PAQR8: variants seen among roughly 807,000 people sequenced by gnomAD.
PAQR8 encodes the protein progestin and adipoQ receptor family member 8.
PAQR8 carries 17 observed loss-of-function variants against 25.2 expected under a neutral mutation model. The observed-to-expected ratio is 0.67, with a 90% CI of 0.46 to 1.01. The LOEUF is 1.01. Among genes scored for constraint, PAQR8 ranks in the 50% least tolerant of loss-of-function variants. The pLI, the probability that PAQR8 is intolerant of heterozygous loss-of-function variation, is 0.00. For missense variants in PAQR8, 392 were observed against 448.4 expected (o/e 0.87, Z 1.14); for synonymous variants, 204 against 190.6 (o/e 1.07, Z -0.58).
At chr6:52,402,590 C>T (rs1358874708) in intron 1 of PAQR8, among the ~76,000 whole-genome samples, 19 of 143,284 alleles carry the variant, frequency 1.3e-4, no homozygotes, top group African/African-American at 5.2e-4. Context: ...GCATTCCAGC[C>T]TGGGCAACAA....
chr6:52,373,385 G>T (rs574171198), intron 1 of PAQR8, among the ~76,000 whole-genome samples: 5 of 152,202 alleles, frequency 3.3e-5, no homozygotes. Flanking sequence ...TAGCTGCCAA[G>T]GGAACTAAAA....
intron 1 of PAQR8, among the ~76,000 whole-genome samples, chr6:52,399,962 C>T (rs959081727): frequency 6.6e-6 from 1 of 152,190 alleles, no homozygotes; most frequent in Non-Finnish European, 1.5e-5. Flanking sequence ...CTCTAAGGCA[C>T]TCGGATCCCT....
intron 1 of PAQR8, among the ~76,000 whole-genome samples, chr6:52,402,541 C>A (rs1284003511): frequency 6.7e-6 from 1 of 148,956 alleles, no homozygotes. Context: ...TGCTTGAACC[C>A]GGGAGGCGGA....
intron 1 of PAQR8, among the ~76,000 whole-genome samples, chr6:52,379,779 AC>A: frequency 6.6e-6 from 1 of 151,936 alleles, no homozygotes; most frequent in East Asian, 1.9e-4. Context: ...GGCGCCTGCT[AC>A]CGCGCCCGGC....
In PAQR8 at chr6:52,407,678, C is replaced by CAAAAAAAAAAAA. The variant is rs5876275; in HGVS notation, c.*3421_*3432dup. ...TTGGTCTTGTGTTTTGCTTGCTTGG[C>CAAAAAAAAAAAA]AAAAAAAAAAAAAAAAAAAAAAAAA... On this transcript the variant is annotated 3_prime_UTR_variant, in exon 2 of 2. Transcript: ENST00000442253. 3 of 72,800 alleles carry CAAAAAAAAAAAA rather than the reference C, an allele frequency of 4.1e-5. No homozygotes were observed. The highest frequency in any genetic ancestry group is 5.0e-4 in the East Asian group (1 of 1,986). 4.5% of individuals were successfully genotyped at this position (72,800 alleles called of 1,614,324 possible). A position where few individuals can be genotyped will look rare whatever the true frequency, so the allele number is the denominator to read the frequency against.
rs1000346639 is a variant in PAQR8 at position 52,404,558 on chromosome 6, A to G, written c.*280A>G. The G allele has an allele frequency of 3.3e-6, 1 of 304,684 alleles. No individual in the cohort carries two copies. The highest frequency in any genetic ancestry group is 6.5e-6 in the Non-Finnish European group (1 of 154,944). The allele number at this position is 304,684 out of a possible 1,614,324, so 18.9% of individuals were successfully genotyped here. On this transcript the variant is annotated 3_prime_UTR_variant, in exon 2 of 2. Coordinates refer to ENST00000442253, the MANE Select transcript of PAQR8 (RefSeq NM_133367.5). ...CATTGAATTAAGGAGAATCATCTTC[A>G]TGCCTGAAAATTTAGCAAAATTCCG...
intron 1 of PAQR8, among the ~76,000 whole-genome samples, chr6:52,375,639 A>C (rs973028630): frequency 2.0e-5 from 3 of 152,082 alleles, no homozygotes; most frequent in Non-Finnish European, 4.4e-5. Flanking sequence ...CAGCCTCCCA[A>C]GTACTTGGGA....
chr6:52,392,343 CAAA>C, intron 1 of PAQR8, among the ~76,000 whole-genome samples: 1 of 109,316 alleles, frequency 9.1e-6, no homozygotes, highest in Non-Finnish European at 1.9e-5. Context: ...GACTCCATCT[CAAA>C]AAAAAAAAAA....
At chr6:52,377,236 A>G (rs1291785365) in intron 1 of PAQR8, among the ~76,000 whole-genome samples, 1 of 151,772 alleles carries the variant, frequency 6.6e-6, no homozygotes. Flanking sequence ...AATTGCATTC[A>G]TTTTTTTTCA....
At chr6:52,397,400 C>A (rs9370114) in intron 1 of PAQR8, among the ~76,000 whole-genome samples, 10,618 of 152,228 alleles carry the variant, frequency 0.07, 893 homozygotes, top group Admixed American at 0.24. Context: ...CACAAGCCCA[C>A]TTCCCCCCAA....
At chr6:52,397,615 C>A (rs1012297962) in intron 1 of PAQR8, among the ~76,000 whole-genome samples, 3 of 152,164 alleles carry the variant, frequency 2.0e-5, no homozygotes, top group Non-Finnish European at 4.4e-5. Flanking sequence ...AATAGATAAT[C>A]CTTGCTCTGA....
Position 52,406,670 on chromosome 6 carries a change from C to G in PAQR8, c.*2392C>G. 2.5e-6 allele frequency: 1 copy of G among 405,420 alleles called. No individual in the cohort carries two copies. The highest frequency in any genetic ancestry group is 4.4e-6 in the Non-Finnish European group (1 of 225,504). The allele number at this position is 405,420 out of a possible 1,614,324, so 25.1% of individuals were successfully genotyped here. On this transcript the variant is annotated 3_prime_UTR_variant, in exon 2 of 2. Transcript: ENST00000442253. ...CTCGACCTCCCCAGCTCAAGCAATC[C>G]TCCCACCTCAGCCTCCTAAGTACCT... is the stretch of plus-strand genomic sequence containing the variant.
intron 1 of PAQR8, among the ~76,000 whole-genome samples, chr6:52,393,101 C>A (rs1763728332): frequency 6.6e-6 from 1 of 152,174 alleles, no homozygotes; most frequent in South Asian, 2.1e-4. Context: ...ACTTTAGAGT[C>A]AACTGCTTAG....
chr6:52,388,180 A>T (rs962861817), intron 1 of PAQR8, among the ~76,000 whole-genome samples: 1 of 152,180 alleles, frequency 6.6e-6, no homozygotes, highest in Non-Finnish European at 1.5e-5. Context: ...GTTTGAGACC[A>T]GCCTGGCCAA....
At chr6:52,369,305 A>T (rs1043558666) in intron 1 of PAQR8, among the ~76,000 whole-genome samples, 5 of 152,206 alleles carry the variant, frequency 3.3e-5, no homozygotes, top group Non-Finnish European at 7.4e-5. Context: ...GAGAAAGACC[A>T]GAGCTAGGGT....
At chr6:52,368,570 C>T (rs72927459) in intron 1 of PAQR8, among the ~76,000 whole-genome samples, 12,635 of 152,180 alleles carry the variant, frequency 0.083, 583 homozygotes, top group South Asian at 0.16. Flanking sequence ...TATATGTTGG[C>T]TTCTAATTGG....
At chr6:52,389,522 C>CG (rs1434808154) in intron 1 of PAQR8, among the ~76,000 whole-genome samples, 1 of 151,304 alleles carries the variant, frequency 6.6e-6, no homozygotes, top group Admixed American at 6.6e-5. Context: ...GGGTTGGGGG[C>CG]GGGGGAGGAA....
At chr6:52,395,651 AG>A (rs1306471600) in intron 1 of PAQR8, among the ~76,000 whole-genome samples, 3 of 152,264 alleles carry the variant, frequency 2.0e-5, no homozygotes, top group African/African-American at 7.2e-5. Context: ...ATTATAAGGT[AG>A]AAAATACGTG....
chr6:52,374,140 A>T (rs1763453837), intron 1 of PAQR8, among the ~76,000 whole-genome samples: 1 of 152,194 alleles, frequency 6.6e-6, no homozygotes, highest in African/African-American at 2.4e-5. Context: ...AAGTGGGCAG[A>T]TGCCAGCATC....
Sources: gnomAD v4.1 joint callset for allele counts (sites outside exome capture counted in the v4.1 genomes callset) on GRCh38, gnomAD v4.1.1 for gene constraint, MANE v1.5 for transcripts, NCBI Gene and HGNC (gene_info 2026-07-23, HGNC 2026-07-21) for gene names.